The following RGS21 variants were observed in gnomAD, a reference collection of about 807,000 sequenced individuals.
RGS21 encodes the protein regulator of G protein signaling 21.
In RGS21, 19 loss-of-function variants were observed where a neutral mutation model predicts 18.7. The observed-to-expected ratio is 1.01, with a 90% CI of 0.71 to 1.49. The LOEUF (loss-of-function observed/expected upper bound fraction) is 1.49. Ranked by LOEUF, RGS21 falls within the 40% of genes most tolerant of loss-of-function variation. The pLI is 0.00. For synonymous variants in RGS21, 56 were observed against 57.8 expected, an observed-to-expected ratio of 0.97 and a Z score of 0.14; for missense variants, 194 against 176.8, an observed-to-expected ratio of 1.10 and a Z score of -0.55.
At chr1:192,361,365 T>C (rs1051975266) in intron 4 of RGS21, among the ~76,000 whole-genome samples, 1 of 152,048 alleles carries the variant, frequency 6.6e-6, no homozygotes, top group Non-Finnish European at 1.5e-5. Context: ...CAAAGACCTG[T>C]GGAGAATAAA....
intron 1 of RGS21, among the ~76,000 whole-genome samples, chr1:192,336,869 G>A (rs1458417715): frequency 6.6e-6 from 1 of 152,030 alleles, no homozygotes; most frequent in Non-Finnish European, 1.5e-5. Flanking sequence ...TATGAGTTGA[G>A]GGAAAAAATA....
chr1:192,365,562 T>C (rs1468718751), intron 4 of RGS21, among the ~76,000 whole-genome samples: 2 of 152,124 alleles, frequency 1.3e-5, no homozygotes, highest in East Asian at 3.8e-4. Flanking sequence ...TAGAAACAGT[T>C]CTGCCTAGGA....
At chr1:192,351,755 CATATA>C (rs1197080695) in intron 3 of RGS21, among the ~76,000 whole-genome samples, 2 of 146,562 alleles carry the variant, frequency 1.4e-5, no homozygotes, top group South Asian at 2.1e-4. Context: ...ATATATAACA[CATATA>C]ATATATAACA....
chr1:192,347,239 C>G (rs1194678686), intron 2 of RGS21, 74 bp from the exon 3 acceptor site: 1 of 909,636 alleles, frequency 1.1e-6, no homozygotes, highest in South Asian at 1.5e-5. Flanking sequence ...AATGATGTAA[C>G]TCAAAATACA....
At chr1:192,356,033 T>C (rs1326374613) in intron 4 of RGS21, among the ~76,000 whole-genome samples, 1 of 151,718 alleles carries the variant, frequency 6.6e-6, no homozygotes, top group Non-Finnish European at 1.5e-5. Flanking sequence ...GTTTTTTAAG[T>C]CAAAAAACAG....
At chr1:192,331,388 C>T (rs1658646153) in intron 1 of RGS21, among the ~76,000 whole-genome samples, 1 of 151,824 alleles carries the variant, frequency 6.6e-6, no homozygotes, top group Non-Finnish European at 1.5e-5. Context: ...CCCGTCTCTA[C>T]TAAAAGACAA....
At chr1:192,347,462 CAT>C (rs1658969620) in intron 3 of RGS21, 73 bp downstream of exon 3, 1 of 759,858 alleles carries the variant, frequency 1.3e-6, no homozygotes, top group Admixed American at 1.9e-5. Flanking sequence ...AAGTTGGTAA[CAT>C]ATCATAAAGT....
At chr1:192,362,313 T>A (rs1472105416) in intron 4 of RGS21, among the ~76,000 whole-genome samples, 1 of 152,098 alleles carries the variant, frequency 6.6e-6, no homozygotes, top group Admixed American at 6.6e-5. Context: ...AGGTATCAGA[T>A]AAATGACAAA....
chr1:192,330,183 G>A (rs1007226518), intron 1 of RGS21, among the ~76,000 whole-genome samples: 7 of 152,148 alleles, frequency 4.6e-5, no homozygotes, highest in Middle Eastern at 3.2e-3. Flanking sequence ...AAGATAGAAA[G>A]TGATAAAGCA....
Position 192,352,039 on chromosome 1 carries a change from T to TA in RGS21, c.89-8_89-7insA. 2 of 1,559,268 alleles carry TA rather than the reference T, an allele frequency of 1.3e-6. No individual in the cohort carries two copies. ...ATTATACAAAACTTTTTCTCATATA[T>TA]TTTATAGCTGGTCTAGATGCTTTTC... On this transcript the variant is annotated splice_region_variant and splice_polypyrimidine_tract_variant and intron_variant, in intron 3 of 4. Coordinates refer to ENST00000417209, the MANE Select transcript of RGS21 (RefSeq NM_001039152.3).
chr1:192,334,154 C>T (rs2102226371), intron 1 of RGS21, among the ~76,000 whole-genome samples: 1 of 152,216 alleles, frequency 6.6e-6, no homozygotes, highest in African/African-American at 2.4e-5. Context: ...CGACAGTGAA[C>T]TTTTCAACAT....
At chr1:192,332,322 A>G (rs1019971186) in intron 1 of RGS21, among the ~76,000 whole-genome samples, 1 of 151,726 alleles carries the variant, frequency 6.6e-6, no homozygotes, top group African/African-American at 2.4e-5. Flanking sequence ...ATAGAAAAAG[A>G]CAATGGAGCA....
chr1:192,318,291 C>T (rs963906560), intron 1 of RGS21, among the ~76,000 whole-genome samples: 1 of 152,146 alleles, frequency 6.6e-6, no homozygotes, highest in East Asian at 1.9e-4. Context: ...ACAGCATTCT[C>T]GAAGTAACAC....
intron 4 of RGS21, among the ~76,000 whole-genome samples, chr1:192,363,611 G>A (rs111682059): frequency 1.3e-5 from 2 of 151,968 alleles, no homozygotes; most frequent in African/African-American, 2.4e-5. Flanking sequence ...ATAAGTTATC[G>A]TGCCACTTAA....
intron 1 of RGS21, among the ~76,000 whole-genome samples, chr1:192,335,497 A>G (rs953324182): frequency 1.3e-5 from 2 of 152,038 alleles, no homozygotes; most frequent in Non-Finnish European, 2.9e-5. Flanking sequence ...CTACCTATCC[A>G]TTTCATTTAT....
At chr1:192,322,351 C>T (rs1256970511) in intron 1 of RGS21, among the ~76,000 whole-genome samples, 1 of 152,062 alleles carries the variant, frequency 6.6e-6, no homozygotes, top group Admixed American at 6.6e-5. Context: ...CCCAGACCAA[C>T]AGGCCCATCA....
chr1:192,325,301 T>C (rs1229455935), intron 1 of RGS21, among the ~76,000 whole-genome samples: 1 of 152,058 alleles, frequency 6.6e-6, no homozygotes, highest in Non-Finnish European at 1.5e-5. Flanking sequence ...AAGGACATGA[T>C]TTGGTTTTTG....
At chr1:192,345,293 A>T (rs913397910) in intron 2 of RGS21, among the ~76,000 whole-genome samples, 5 of 152,084 alleles carry the variant, frequency 3.3e-5, no homozygotes, top group African/African-American at 1.2e-4. Context: ...GTCCATGATG[A>T]TTCAGTGACG....
At chr1:192,347,468 A>C in intron 3 of RGS21, 79 bp downstream of exon 3, 3 of 717,466 alleles carry the variant, frequency 4.2e-6, no homozygotes, top group Non-Finnish European at 7.3e-6. Flanking sequence ...GTAACATATC[A>C]TAAAGTATGA....
Sources: allele counts gnomAD v4.1 joint callset (sites outside exome capture counted in the v4.1 genomes callset), GRCh38; gene constraint gnomAD v4.1.1; transcripts MANE v1.5; gene names NCBI Gene and HGNC (gene_info 2026-07-23, HGNC 2026-07-21).